ENPP2: variants seen among roughly 807,000 people sequenced by gnomAD.
The protein encoded by ENPP2 is ectonucleotide pyrophosphatase/phosphodiesterase 2, also known as autotaxin.
Under a neutral mutation model 120.2 loss-of-function variants are expected in ENPP2, and 51 were observed. That is an observed-to-expected ratio of 0.42 (90% CI 0.34 to 0.54). ENPP2 has a LOEUF of 0.54. Ranked by LOEUF, ENPP2 falls within the 20% of genes least tolerant of loss-of-function variation. ENPP2 has a pLI of 0.04. For synonymous variants in ENPP2, 365 were observed against 366.4 expected (o/e 1.00, Z 0.04); for missense variants, 920 against 1,066.5 (o/e 0.86, Z 1.91).
intron 11 of ENPP2, among the ~76,000 whole-genome samples, chr8:119,599,556 G>A (rs1814138808): frequency 6.6e-6 from 1 of 152,134 alleles, no homozygotes; most frequent in South Asian, 2.1e-4. Flanking sequence ...ATATTTAAAA[G>A]GTTAGATTTG....
At chr8:119,653,856 G>A (rs1177262852) in intron 1 of ENPP2, among the ~76,000 whole-genome samples, 1 of 151,778 alleles carries the variant, frequency 6.6e-6, no homozygotes, top group East Asian at 1.9e-4. Context: ...GAGAAGGTGG[G>A]TGTGCATTGC....
upstream of ENPP2, among the ~76,000 whole-genome samples, chr8:119,640,042 T>A (rs1214922691): frequency 6.6e-6 from 1 of 152,348 alleles, no homozygotes; most frequent in East Asian, 1.9e-4. Flanking sequence ...GAGTAGTGGC[T>A]CTGCTCAAAT....
Position 119,591,980 on chromosome 8 carries a change from T to C in ENPP2, c.1082-1350A>G, listed in dbSNP as rs75489964. Among the ~76,000 whole-genome samples the C allele has an allele frequency of 1.7e-3, 254 of 152,284 alleles. 2 individuals are homozygous for C. In the East Asian group the frequency reaches 0.03, roughly 18 times the overall value. The stretch of plus-strand genomic sequence containing the variant: ...CAATCTCCTTTACTTTTGAAGTCCA[T>C]CAGGCACTATGCTAAGTGCTCCTCA... On this transcript the variant is annotated intron_variant, in intron 12 of 24. Coordinates refer to ENST00000075322, the MANE Select transcript of ENPP2 (RefSeq NM_001040092.3).
chr8:119,586,082 A>G, intron 15 of ENPP2, 104 bp downstream of exon 15: 1 of 1,276,754 alleles, frequency 7.8e-7, no homozygotes, highest in Non-Finnish European at 1.1e-6. Flanking sequence ...TGAGATTTCC[A>G]ACTGATATTT....
intron 13 of ENPP2, among the ~76,000 whole-genome samples, chr8:119,588,758 A>C (rs1813296156): frequency 6.6e-6 from 1 of 152,172 alleles, no homozygotes; most frequent in South Asian, 2.1e-4. Context: ...TTGACAATGA[A>C]GAGAAGTAAA....
chr8:119,590,317 A>C (rs985951125), intron 13 of ENPP2, among the ~76,000 whole-genome samples, 188 bp downstream of exon 13: 4 of 152,234 alleles, frequency 2.6e-5, no homozygotes, highest in Non-Finnish European at 5.9e-5. Flanking sequence ...AGCTGCTAGC[A>C]TTTATCATCC....
chr8:119,599,595 T>A (rs891395738), intron 11 of ENPP2, among the ~76,000 whole-genome samples: 1 of 152,224 alleles, frequency 6.6e-6, no homozygotes, highest in Admixed American at 6.5e-5. Context: ...TTACTATCTA[T>A]GCTGAAAATG....
chr8:119,672,822 T>TA (rs1387012758), intron 1 of ENPP2, among the ~76,000 whole-genome samples: 1 of 152,124 alleles, frequency 6.6e-6, no homozygotes, highest in East Asian at 1.9e-4. Context: ...CATATTGTTT[T>TA]AAAAATCCCC....
chr8:119,587,171 TC>T, intron 13 of ENPP2, 96 bp from the exon 14 acceptor site: 1 of 984,054 alleles, frequency 1.0e-6, no homozygotes, highest in Non-Finnish European at 1.6e-6. Context: ...TCTCCTTCCA[TC>T]CCACAGAAGA....
intron 3 of ENPP2, among the ~76,000 whole-genome samples, chr8:119,624,710 T>C (rs1206880299): frequency 6.6e-6 from 1 of 152,194 alleles, no homozygotes; most frequent in East Asian, 1.9e-4. Context: ...GATTTATTAA[T>C]ACAGATACTT....
At chr8:119,648,154 T>C (rs1157959783) in intron 1 of ENPP2, among the ~76,000 whole-genome samples, 1 of 152,210 alleles carries the variant, frequency 6.6e-6, no homozygotes, top group East Asian at 1.9e-4. Context: ...GACCAAATGA[T>C]GTAATAATGC....
intron 1 of ENPP2, among the ~76,000 whole-genome samples, chr8:119,653,093 C>G (rs1295303906): frequency 1.3e-5 from 2 of 152,164 alleles, no homozygotes; most frequent in Non-Finnish European, 2.9e-5. Flanking sequence ...AATGTTTCAG[C>G]TGAGCCTAGC....
chr8:119,622,723 A>G (rs777624983), intron 3 of ENPP2, among the ~76,000 whole-genome samples: 5 of 151,764 alleles, frequency 3.3e-5, no homozygotes, highest in Non-Finnish European at 5.9e-5. Flanking sequence ...ATAAAATATA[A>G]CTCTTTAAAT....
In ENPP2 at chr8:119,619,515, A is replaced by G. The variant is rs1166290088; in HGVS notation, c.419-211T>C. On this transcript the variant is annotated intron_variant, in intron 4 of 24. Coordinates refer to ENST00000075322, the MANE Select transcript of ENPP2 (RefSeq NM_001040092.3). ...GGAAAGCTAAGATTTAATAACCACA[A>G]GTGGTGAGGTGTTTATTTGAGCCTT... is the stretch of plus-strand genomic sequence containing the variant. 1.1e-4 allele frequency among the ~76,000 whole-genome samples: 16 copies of G among 152,240 alleles called. No individual in the cohort carries two copies. In the South Asian group the frequency reaches 3.3e-3, roughly 32 times the overall value.
intron 12 of ENPP2, among the ~76,000 whole-genome samples, chr8:119,591,231 A>G (rs948808464): frequency 1.3e-5 from 2 of 152,214 alleles, no homozygotes; most frequent in African/African-American, 4.8e-5. Context: ...TGTCAGTTCC[A>G]ATGACCACCC....
At chr8:119,572,044 A>G (rs1301684020) in intron 19 of ENPP2, 9 of 662,852 alleles carry the variant, frequency 1.4e-5, no homozygotes, top group Admixed American at 5.9e-5. Flanking sequence ...ACCCACCCCT[A>G]AGGATTAGAA....
chr8:119,625,919 G>A (rs1041082135), intron 3 of ENPP2, among the ~76,000 whole-genome samples: 4 of 152,156 alleles, frequency 2.6e-5, no homozygotes, highest in Admixed American at 6.5e-5. Context: ...TACCCAGAGC[G>A]TGAGACTCCA....
At chr8:119,572,056 A>G in intron 19 of ENPP2, 1 of 716,282 alleles carries the variant, frequency 1.4e-6, no homozygotes, top group Non-Finnish European at 2.3e-6. Context: ...GGATTAGAAC[A>G]TAATCTGACA....
chr8:119,563,046 G>C (rs1432590384), intron 23 of ENPP2, 33 bp from the exon 24 acceptor site: 1 of 1,595,010 alleles, frequency 6.3e-7, no homozygotes. Context: ...AGTCACAGTT[G>C]ATGAGTTGAT....
Sources: gnomAD v4.1 joint callset for allele counts (sites outside exome capture counted in the v4.1 genomes callset) on GRCh38, gnomAD v4.1.1 for gene constraint, MANE v1.5 for transcripts, NCBI Gene and HGNC (gene_info 2026-07-23, HGNC 2026-07-21) for gene names.